The following SH3RF1 variants were observed in gnomAD, a reference collection of about 807,000 sequenced individuals.
The protein encoded by SH3RF1 is SH3 domain containing ring finger 1.
SH3RF1 carries 32 observed loss-of-function variants against 74.0 expected under a neutral mutation model. The ratio of observed to expected loss-of-function variants is 0.43; its 90% confidence interval spans 0.33 to 0.58. SH3RF1 has a LOEUF of 0.58. Among genes scored for constraint, SH3RF1 ranks in the 20% least tolerant of loss-of-function variants. The pLI, the probability that SH3RF1 is intolerant of heterozygous loss-of-function variation, is 0.05. For synonymous variants in SH3RF1, 396 were observed against 439.6 expected (o/e 0.90, Z 1.24); for missense variants, 954 against 1,130.9 (o/e 0.84, Z 2.24).
chr4:169,155,741 CG>C (rs1734040195), intron 3 of SH3RF1, among the ~76,000 whole-genome samples, 166 bp from the exon 4 acceptor site: 1 of 152,198 alleles, frequency 6.6e-6, no homozygotes, highest in Non-Finnish European at 1.5e-5. Context: ...ATGAATTAAA[CG>C]GTAGCTACCA....
At chr4:169,259,037 T>C (rs1731233060) in intron 2 of SH3RF1, among the ~76,000 whole-genome samples, 1 of 152,168 alleles carries the variant, frequency 6.6e-6, no homozygotes. Context: ...AAACTAGATA[T>C]GAAGCATCCT....
At chr4:169,199,871 TA>T (rs1190316275) in intron 2 of SH3RF1, among the ~76,000 whole-genome samples, 1 of 152,118 alleles carries the variant, frequency 6.6e-6, no homozygotes, top group East Asian at 1.9e-4. Context: ...ATCTACCAGT[TA>T]AAAATTAGAT....
chr4:169,206,344 G>A (rs752888820), intron 2 of SH3RF1, among the ~76,000 whole-genome samples: 1 of 152,130 alleles, frequency 6.6e-6, no homozygotes, highest in African/African-American at 2.4e-5. Context: ...GCCCACCTAG[G>A]AGTTTGCCAG....
At chr4:169,132,910 A>C (rs986298253) in intron 5 of SH3RF1, among the ~76,000 whole-genome samples, 4 of 152,214 alleles carry the variant, frequency 2.6e-5, no homozygotes, top group African/African-American at 7.2e-5. Context: ...ATGAACATCT[A>C]TCTGATCTGG....
chr4:169,217,724 G>C (rs1190347035), intron 2 of SH3RF1, among the ~76,000 whole-genome samples: 1 of 152,128 alleles, frequency 6.6e-6, no homozygotes, highest in African/African-American at 2.4e-5. Flanking sequence ...AATGGATACA[G>C]AGTTTTAGCT....
At chr4:169,264,583 C>T (rs1477450211) in intron 2 of SH3RF1, among the ~76,000 whole-genome samples, 4 of 152,164 alleles carry the variant, frequency 2.6e-5, no homozygotes, top group African/African-American at 9.7e-5. Flanking sequence ...TGTGTTCCCT[C>T]ATATCTAGAA....
chr4:169,163,579 G>A (rs1734186051), intron 2 of SH3RF1, among the ~76,000 whole-genome samples: 1 of 152,094 alleles, frequency 6.6e-6, no homozygotes, highest in African/African-American at 2.4e-5. Flanking sequence ...CCTGAAACAC[G>A]GTTTTGTCCA....
chr4:169,146,324 G>C (rs1463011865), intron 4 of SH3RF1, among the ~76,000 whole-genome samples: 1 of 150,136 alleles, frequency 6.7e-6, no homozygotes, highest in African/African-American at 2.5e-5. Flanking sequence ...CTGCCTCCTG[G>C]GTTCAAGCAA....
chr4:169,218,993 A>G (rs58549535), intron 2 of SH3RF1, among the ~76,000 whole-genome samples: 2,519 of 152,284 alleles, frequency 0.017, 74 homozygotes, highest in African/African-American at 0.058. Context: ...TATGCAAAGA[A>G]TCATGATTCC....
At position 169,117,557 on chromosome 4, in the gene SH3RF1, C is replaced by T; in HGVS notation, c.1743G>A (p.Met581Ile). 1.9e-6 allele frequency: 3 copies of T among 1,614,244 alleles called. No individual in the cohort carries two copies. The highest frequency in any genetic ancestry group is 2.5e-6 in the Non-Finnish European group (3 of 1,180,048). Reference sequence around the variant, plus strand: ...CAGCATTGCGGGCCTGGTTGACTGTCATTTGCCCCGTCATGTGCAACAAGA... The same window carrying T: ...CAGCATTGCGGGCCTGGTTGACTGTTATTTGCCCCGTCATGTGCAACAAGA... Reference protein sequence around the residue: ...AKVLLHMTGQMTVNQARNAVR... With the variant: ...AKVLLHMTGQITVNQARNAVR... The change falls in exon 9 of 12, where the codon ATG becomes ATA. Residue 581 changes from methionine (M) to isoleucine (I), a missense_variant. Transcript: ENST00000284637.
intron 2 of SH3RF1, among the ~76,000 whole-genome samples, chr4:169,245,968 A>T (rs1462531730): frequency 2.6e-5 from 4 of 152,200 alleles, no homozygotes; most frequent in Admixed American, 6.5e-5. Flanking sequence ...ACCTGTTCAA[A>T]TATCAATTGC....
chr4:169,218,177 GAT>G (rs1451864687), intron 2 of SH3RF1, among the ~76,000 whole-genome samples: 2 of 143,914 alleles, frequency 1.4e-5, no homozygotes, highest in Non-Finnish European at 3.0e-5. Flanking sequence ...ATATGTTAAT[GAT>G]ATGTGTAATA....
intron 2 of SH3RF1, among the ~76,000 whole-genome samples, chr4:169,235,701 T>C (rs1730814246): frequency 6.6e-6 from 1 of 152,184 alleles, no homozygotes; most frequent in Non-Finnish European, 1.5e-5. Context: ...TTCTTTTCTT[T>C]TTTTTTTGAG....
intron 2 of SH3RF1, among the ~76,000 whole-genome samples, chr4:169,237,964 G>C (rs1730847015): frequency 6.6e-6 from 1 of 151,960 alleles, no homozygotes; most frequent in Non-Finnish European, 1.5e-5. Flanking sequence ...CCTGCCTTTA[G>C]CAAGAGTCCT....
At chr4:169,218,794 G>T (rs1185392168) in intron 2 of SH3RF1, among the ~76,000 whole-genome samples, 1 of 151,942 alleles carries the variant, frequency 6.6e-6, no homozygotes, top group African/African-American at 2.4e-5. Context: ...ATAAATACAT[G>T]AATTAACTGA....
At chr4:169,116,154 C>T in intron 10 of SH3RF1, 115 bp downstream of exon 10, 1 of 1,469,426 alleles carries the variant, frequency 6.8e-7, no homozygotes, top group Non-Finnish European at 9.1e-7. Flanking sequence ...TAGGGAGCAC[C>T]TGAGGGTTTG....
intron 2 of SH3RF1, among the ~76,000 whole-genome samples, chr4:169,185,457 C>A (rs532068862): frequency 6.6e-6 from 1 of 152,264 alleles, no homozygotes; most frequent in Admixed American, 6.5e-5. Flanking sequence ...AAACAAAAAA[C>A]CCACAAAACA....
At chr4:169,110,811 C>T (rs1314693580) in intron 10 of SH3RF1, among the ~76,000 whole-genome samples, 2 of 152,098 alleles carry the variant, frequency 1.3e-5, no homozygotes, top group African/African-American at 2.4e-5. Context: ...TGTTGACCAA[C>T]ACCCACTTCT....
intron 2 of SH3RF1, among the ~76,000 whole-genome samples, chr4:169,239,814 A>G (rs936371046): frequency 1.3e-5 from 2 of 152,194 alleles, no homozygotes; most frequent in Admixed American, 1.3e-4. Context: ...TGAGGTCAGG[A>G]GTTCAAGACC....
Sources: allele counts gnomAD v4.1 joint callset (sites outside exome capture counted in the v4.1 genomes callset), GRCh38; gene constraint gnomAD v4.1.1; transcripts MANE v1.5; gene names NCBI Gene and HGNC (gene_info 2026-07-23, HGNC 2026-07-21).